Variants in JAZF1 observed in about 807,000 individuals in gnomAD.
JAZF1 encodes the protein juxtaposed with another zinc finger protein 1.
JAZF1 carries 8 observed loss-of-function variants against 26.4 expected under a neutral mutation model. The ratio of observed to expected loss-of-function variants is 0.30; its 90% CI spans 0.18 to 0.55. JAZF1 has a LOEUF of 0.55. JAZF1 is among the 20% of genes least tolerant of loss of function. JAZF1 has a pLI of 0.94. For synonymous variants in JAZF1, 126 were observed against 122.3 expected, an observed-to-expected ratio of 1.03 and a Z score of -0.20; for missense variants, 199 against 322.0, an observed-to-expected ratio of 0.62 and a Z score of 2.92.
At chr7:27,982,838 G>C (rs1263854829) in intron 2 of JAZF1, among the ~76,000 whole-genome samples, 1 of 152,182 alleles carries the variant, frequency 6.6e-6, no homozygotes, top group Non-Finnish European at 1.5e-5. Flanking sequence ...AGGGTCTGGA[G>C]AGGACCTCCA....
At chr7:28,101,576 TAAAAAAAAA>T (rs56321937) in intron 1 of JAZF1, among the ~76,000 whole-genome samples, 2 of 97,998 alleles carry the variant, frequency 2.0e-5, no homozygotes, top group South Asian at 3.9e-4. Flanking sequence ...ATTTCTATAT[TAAAAAAAAA>T]AAAAAAAAAA....
chr7:28,091,419 T>G (rs1784294402), intron 1 of JAZF1, among the ~76,000 whole-genome samples: 2 of 152,004 alleles, frequency 1.3e-5, no homozygotes, highest in South Asian at 4.1e-4. Flanking sequence ...CCATAACAAT[T>G]TTCACCACTA....
At position 28,034,695 on chromosome 7, in the gene JAZF1, C is replaced by T. The variant is rs567891852; in HGVS notation, c.116-42714G>A. Among the ~76,000 whole-genome samples the T allele has an allele frequency of 3.5e-4, 54 of 152,216 alleles. 1 individual carries two copies. Among genetic ancestry groups the T allele is most frequent in the Admixed American group, 1.0e-3 (16 of 15,292 alleles). ...TATACTCACATACCCAGGTGTATGGCCAAGTTGGAATCTGAACACAAGTCT... is the reference window on the plus strand; with the variant it reads ...TATACTCACATACCCAGGTGTATGGTCAAGTTGGAATCTGAACACAAGTCT... On this transcript the variant is annotated intron_variant, in intron 1 of 4. Transcript: ENST00000283928.
At chr7:27,880,914 C>A (rs1427642359) in intron 3 of JAZF1, among the ~76,000 whole-genome samples, 1 of 152,194 alleles carries the variant, frequency 6.6e-6, no homozygotes, top group African/African-American at 2.4e-5. Flanking sequence ...GTGCCTCAGG[C>A]CTCACCTGCC....
intron 1 of JAZF1, among the ~76,000 whole-genome samples, chr7:28,143,138 TCTC>T (rs1488802989): frequency 2.0e-5 from 3 of 152,042 alleles, no homozygotes; most frequent in African/African-American, 7.2e-5. Flanking sequence ...ACAACTCTCA[TCTC>T]CTTCTCTATA....
At chr7:27,881,475 G>T (rs1344775500) in intron 3 of JAZF1, among the ~76,000 whole-genome samples, 1 of 152,166 alleles carries the variant, frequency 6.6e-6, no homozygotes, top group East Asian at 1.9e-4. Context: ...TAATGGCAGT[G>T]AAATACCATT....
chr7:27,839,843 A>C (rs1222313406), intron 4 of JAZF1, among the ~76,000 whole-genome samples: 1 of 152,192 alleles, frequency 6.6e-6, no homozygotes, highest in African/African-American at 2.4e-5. Flanking sequence ...TTAAGCTTTA[A>C]AAAATAGTCA....
chr7:27,987,425 C>T (rs1315812507), intron 2 of JAZF1, among the ~76,000 whole-genome samples: 1 of 152,122 alleles, frequency 6.6e-6, no homozygotes, highest in Admixed American at 6.5e-5. Context: ...CCGGCAGCCG[C>T]CCCGTCTGGG....
At chr7:27,885,303 G>A (rs1783838548) in intron 3 of JAZF1, among the ~76,000 whole-genome samples, 1 of 152,188 alleles carries the variant, frequency 6.6e-6, no homozygotes, top group African/African-American at 2.4e-5. Context: ...TCACCTGCTG[G>A]AAACATCCAG....
intron 3 of JAZF1, among the ~76,000 whole-genome samples, chr7:27,851,490 T>A (rs1228287608): frequency 6.6e-6 from 1 of 151,956 alleles, no homozygotes; most frequent in Non-Finnish European, 1.5e-5. Flanking sequence ...CTCTATCAAA[T>A]AAAAATTAAA....
At chr7:27,991,394 A>AAATG (rs1785900473) in intron 2 of JAZF1, among the ~76,000 whole-genome samples, 3 of 152,154 alleles carry the variant, frequency 2.0e-5, no homozygotes, top group Non-Finnish European at 2.9e-5. Context: ...TGGTGCTCTG[A>AAATG]AGTTGGGCTC....
At chr7:27,952,358 G>A (rs376208607) in intron 2 of JAZF1, among the ~76,000 whole-genome samples, 4 of 152,326 alleles carry the variant, frequency 2.6e-5, no homozygotes, top group African/African-American at 4.8e-5. Flanking sequence ...GTAGGGGACC[G>A]ATCCCAGCAC....
chr7:28,067,044 A>G (rs1387393002), intron 1 of JAZF1, among the ~76,000 whole-genome samples: 1 of 152,138 alleles, frequency 6.6e-6, no homozygotes, highest in African/African-American at 2.4e-5. Flanking sequence ...ACCCTTGAAA[A>G]TGAGAATCTT....
rs140099857 is a variant in JAZF1 at position 28,160,266 on chromosome 7, C to T, written c.115+20197G>A. ...TGAGAAACGTGAATTTGCATAAACACCCCAAATATAGCATAACCCAGGCAG... is the reference window on the plus strand; with the variant it reads ...TGAGAAACGTGAATTTGCATAAACATCCCAAATATAGCATAACCCAGGCAG... On this transcript the variant is annotated intron_variant, in intron 1 of 4. Transcript: ENST00000283928. Among the ~76,000 whole-genome samples, 253 of 152,258 alleles carry T rather than the reference C, an allele frequency of 1.7e-3. 1 individual carries two copies. Among genetic ancestry groups the T allele is most frequent in the African/African-American group, 5.7e-3 (237 of 41,522 alleles).
chr7:28,004,345 C>A (rs940101592), intron 1 of JAZF1, among the ~76,000 whole-genome samples: 2 of 151,774 alleles, frequency 1.3e-5, no homozygotes, highest in African/African-American at 4.8e-5. Flanking sequence ...TCAACAAGAG[C>A]CTAGAGGGCC....
At chr7:28,000,685 C>T (rs2128367598) in intron 1 of JAZF1, among the ~76,000 whole-genome samples, 1 of 141,420 alleles carries the variant, frequency 7.1e-6, no homozygotes, top group South Asian at 2.2e-4. Flanking sequence ...GTAGTGGGAT[C>T]TCAGCTCACT....
chr7:27,867,949 T>A (rs1391483406), intron 3 of JAZF1, among the ~76,000 whole-genome samples: 2 of 152,170 alleles, frequency 1.3e-5, no homozygotes, highest in Non-Finnish European at 2.9e-5. Context: ...TTTCGCAGGA[T>A]CTCGCCTGGT....
At chr7:28,090,185 A>G (rs148347961) in intron 1 of JAZF1, among the ~76,000 whole-genome samples, 30 of 152,320 alleles carry the variant, frequency 2.0e-4, no homozygotes, top group African/African-American at 7.2e-4. Flanking sequence ...GATTGAACCT[A>G]CCTCATCGGA....
chr7:27,936,545 TCTCTCTA>T (rs1784765106), intron 2 of JAZF1, among the ~76,000 whole-genome samples: 1 of 152,196 alleles, frequency 6.6e-6, no homozygotes, highest in Non-Finnish European at 1.5e-5. Context: ...ATCTATGCAG[TCTCTCTA>T]AGGTAAGCTC....
Sources: gnomAD v4.1 joint callset for allele counts (sites outside exome capture counted in the v4.1 genomes callset) on GRCh38, gnomAD v4.1.1 for gene constraint, MANE v1.5 for transcripts, NCBI Gene and HGNC (gene_info 2026-07-23, HGNC 2026-07-21) for gene names.